PTPRD: variants seen among roughly 807,000 people sequenced by gnomAD.
PTPRD encodes the protein protein tyrosine phosphatase receptor type D.
A neutral mutation model predicts 214.5 loss-of-function variants in PTPRD; 34 were observed. That is an observed-to-expected ratio of 0.16 (90% CI 0.12 to 0.21). The LOEUF is 0.21. Ranked by LOEUF, PTPRD falls within the 10% of genes least tolerant of loss-of-function variation. The pLI is 1.00. For synonymous variants in PTPRD, 1,128 were observed against 845.7 expected (o/e 1.33, Z -5.79); for missense variants, 2,545 against 2,398.7 (o/e 1.06, Z -1.27).
chr9:8,354,449 C>T (rs2076465432), intron 39 of PTPRD, among the ~76,000 whole-genome samples: 1 of 152,184 alleles, frequency 6.6e-6, no homozygotes, highest in Non-Finnish European at 1.5e-5. Context: ...TTCTACTTTT[C>T]AATTATAAAT....
intron 5 of PTPRD, among the ~76,000 whole-genome samples, chr9:9,863,687 A>C (rs1390737495): frequency 6.6e-6 from 1 of 152,144 alleles, no homozygotes; most frequent in Non-Finnish European, 1.5e-5. Context: ...CGTCACTGAA[A>C]TATTTGTGAG....
intron 10 of PTPRD, among the ~76,000 whole-genome samples, chr9:9,053,180 A>C (rs1353831614): frequency 2.0e-5 from 3 of 152,204 alleles, no homozygotes; most frequent in Non-Finnish European, 2.9e-5. Context: ...GAATATCAGC[A>C]GTTTCATAAT....
chr9:8,471,751 G>A (rs180973323), intron 30 of PTPRD, among the ~76,000 whole-genome samples: 2 of 152,030 alleles, frequency 1.3e-5, no homozygotes, highest in South Asian at 4.1e-4. Flanking sequence ...AAAGACAAAA[G>A]TAACTGAATA....
At chr9:8,774,967 T>C (rs1055619985) in intron 11 of PTPRD, among the ~76,000 whole-genome samples, 1 of 152,114 alleles carries the variant, frequency 6.6e-6, no homozygotes, top group African/African-American at 2.4e-5. Context: ...AAAATTAAAG[T>C]CTCTACCACC....
intron 39 of PTPRD, among the ~76,000 whole-genome samples, chr9:8,351,771 A>T (rs10976980): frequency 7.3e-6 from 1 of 136,770 alleles, no homozygotes; most frequent in African/African-American, 2.5e-5. Flanking sequence ...AAAAAAAAAA[A>T]ATCTAGAGTT....
chr9:8,949,241 A>G (rs1396109085), intron 11 of PTPRD, among the ~76,000 whole-genome samples: 1 of 151,652 alleles, frequency 6.6e-6, no homozygotes, highest in Non-Finnish European at 1.5e-5. Flanking sequence ...GAAAAAAAAG[A>G]AAAAAGTATT....
intron 3 of PTPRD, among the ~76,000 whole-genome samples, chr9:10,318,386 T>C (rs142254227): frequency 5.1e-4 from 78 of 152,082 alleles, no homozygotes; most frequent in African/African-American, 1.8e-3. Flanking sequence ...ATATAGTTAC[T>C]TCACCTCCAG....
chr9:9,446,805 A>C (rs1235294975), intron 8 of PTPRD, among the ~76,000 whole-genome samples: 4 of 152,188 alleles, frequency 2.6e-5, no homozygotes, highest in Non-Finnish European at 5.9e-5. Flanking sequence ...AAGGAACTTA[A>C]ACACATTTAC....
Position 8,618,866 on chromosome 9 carries a change from TTGTGTGTGTG to T in PTPRD, c.352+14441_352+14450del, listed in dbSNP as rs371767469. Among the ~76,000 whole-genome samples the T allele has an allele frequency of 4.0e-4, 53 of 130,962 alleles. No individual in the cohort carries two copies. The East Asian group carries it at 5.6e-3, about 14-fold the overall frequency. 85.9% of individuals were successfully genotyped at this position (130,962 alleles called of 152,430 possible). ...TGCATGCCACCACACCCAGCTAATT[TTGTGTGTGTG>T]TGTGTGTGTGTGTGTGTGTGTTTGT... On this transcript the variant is annotated intron_variant, in intron 14 of 45. Transcript: ENST00000381196.
chr9:10,271,830 A>G (rs2154383220), intron 3 of PTPRD, among the ~76,000 whole-genome samples: 1 of 152,166 alleles, frequency 6.6e-6, no homozygotes, highest in East Asian at 1.9e-4. Flanking sequence ...GGTGTGAGAC[A>G]CTGCACCTGG....
At chr9:10,207,116 T>C (rs905248565) in intron 3 of PTPRD, among the ~76,000 whole-genome samples, 2 of 152,158 alleles carry the variant, frequency 1.3e-5, no homozygotes, top group African/African-American at 4.8e-5. Flanking sequence ...AGATATAGAA[T>C]ATACCCAGCA....
At chr9:8,564,345 T>C (rs976592934) in intron 14 of PTPRD, among the ~76,000 whole-genome samples, 1 of 152,190 alleles carries the variant, frequency 6.6e-6, no homozygotes, top group Non-Finnish European at 1.5e-5. Flanking sequence ...AAAATCATGA[T>C]GCATCTGTAT....
chr9:10,272,302 A>G (rs918039568), intron 3 of PTPRD, among the ~76,000 whole-genome samples: 1 of 152,234 alleles, frequency 6.6e-6, no homozygotes, highest in Non-Finnish European at 1.5e-5. Context: ...TTTATTGCCA[A>G]TAATATTCCA....
At chr9:10,035,510 G>A (rs958317555) in intron 3 of PTPRD, among the ~76,000 whole-genome samples, 7 of 152,028 alleles carry the variant, frequency 4.6e-5, no homozygotes, top group Admixed American at 2.0e-4. Flanking sequence ...CTTTGCCCAC[G>A]CCTATGTCCT....
intron 14 of PTPRD, among the ~76,000 whole-genome samples, chr9:8,576,666 C>T (rs920335063): frequency 1.3e-5 from 2 of 149,236 alleles, no homozygotes; most frequent in African/African-American, 4.9e-5. Context: ...ATTTGCATAT[C>T]CGTGTCTCTT....
chr9:9,193,863 T>C (rs1237259873), intron 9 of PTPRD, among the ~76,000 whole-genome samples: 1 of 152,078 alleles, frequency 6.6e-6, no homozygotes, highest in Non-Finnish European at 1.5e-5. Flanking sequence ...TAAATTTATT[T>C]TAAAATGTTT....
intron 2 of PTPRD, among the ~76,000 whole-genome samples, chr9:10,399,235 T>C (rs891966899): frequency 3.9e-5 from 6 of 152,000 alleles, no homozygotes; most frequent in African/African-American, 1.2e-4. Flanking sequence ...ATGAGACAAC[T>C]GATAAAGCTG....
At chr9:8,770,922 G>C (rs888590597) in intron 11 of PTPRD, among the ~76,000 whole-genome samples, 1 of 152,148 alleles carries the variant, frequency 6.6e-6, no homozygotes, top group Non-Finnish European at 1.5e-5. Flanking sequence ...GCTCACGCCT[G>C]TAATACCTGC....
chr9:10,365,006 G>T (rs535827350), intron 2 of PTPRD, among the ~76,000 whole-genome samples: 1 of 152,070 alleles, frequency 6.6e-6, no homozygotes, highest in Non-Finnish European at 1.5e-5. Flanking sequence ...CATTAATTAG[G>T]AATCTCAGAG....
Sources: allele counts gnomAD v4.1 joint callset (sites outside exome capture counted in the v4.1 genomes callset), GRCh38; gene constraint gnomAD v4.1.1; transcripts MANE v1.5; gene names NCBI Gene and HGNC (gene_info 2026-07-23, HGNC 2026-07-21).